HIRA: variants seen among roughly 807,000 people sequenced by gnomAD.
HIRA encodes histone cell cycle regulator.
Under a neutral mutation model 126.6 loss-of-function variants are expected in HIRA, and 13 were observed. The ratio of observed to expected loss-of-function variants is 0.10; its 90% CI spans 0.07 to 0.16. The LOEUF is 0.16. HIRA is among the 10% of genes least tolerant of loss of function. The pLI is 1.00. For missense variants in HIRA, 834 were observed against 1,314.4 expected (o/e 0.63, Z 5.65); for synonymous variants, 511 against 520.0 (o/e 0.98, Z 0.24).
At chr22:19,385,103 C>A (rs2146217688) in intron 12 of HIRA, among the ~76,000 whole-genome samples, 1 of 152,220 alleles carries the variant, frequency 6.6e-6, no homozygotes, top group South Asian at 2.1e-4. Context: ...GTTTATACTC[C>A]CCAGGCAATA....
chr22:19,344,771 G>T (rs2088668143), intron 24 of HIRA, among the ~76,000 whole-genome samples: 1 of 152,084 alleles, frequency 6.6e-6, no homozygotes, highest in Admixed American at 6.6e-5. Context: ...TACATTAAAA[G>T]AATTATACAC....
chr22:19,346,984 G>T lies in HIRA; in HGVS notation c.2937+4374C>A, dbSNP rs183989387. Among the ~76,000 whole-genome samples the T allele has an allele frequency of 1.6e-4, 25 of 152,332 alleles. No individual in the cohort carries two copies. In the South Asian group the frequency reaches 5.0e-3, roughly 30 times the overall value. ...TGGTAGCCTGTTTGTGGCTCCTTCT[G>T]TCTATACCACCACGGCCCAGAGTGC... On this transcript the variant is annotated intron_variant, in intron 24 of 24. Coordinates refer to ENST00000263208, the MANE Select transcript of HIRA (RefSeq NM_003325.4).
At chr22:19,340,085 C>A (rs1489114066) in intron 24 of HIRA, among the ~76,000 whole-genome samples, 1 of 152,104 alleles carries the variant, frequency 6.6e-6, no homozygotes, top group African/African-American at 2.4e-5. Context: ...AATCTACAGA[C>A]CAATATCCCT....
chr22:19,358,935 G>T (rs2088838575), intron 18 of HIRA, among the ~76,000 whole-genome samples: 1 of 152,142 alleles, frequency 6.6e-6, no homozygotes, highest in Admixed American at 6.5e-5. Flanking sequence ...TTCAGGGACA[G>T]TCAGAAATCC....
rs1004215490 is a variant in HIRA, at chr22:19,410,294, G to A, written c.100+422C>T. Among the ~76,000 whole-genome samples, 4 of 152,132 alleles carry A rather than the reference G, an allele frequency of 2.6e-5. No individual in the cohort carries two copies. In the East Asian group the frequency reaches 5.8e-4, roughly 22 times the overall value. ...TTTAACCTAACTGAATTCCTTTGAC[G>A]AGAAAATGGGCCTAATAACTACACG... On this transcript the variant is annotated intron_variant, in intron 2 of 24. Coordinates refer to ENST00000263208, the MANE Select transcript of HIRA (RefSeq NM_003325.4).
At chr22:19,415,039 A>C (rs959173651) in intron 1 of HIRA, among the ~76,000 whole-genome samples, 5 of 152,108 alleles carry the variant, frequency 3.3e-5, no homozygotes, top group African/African-American at 4.8e-5. Context: ...TCTACCTCCT[A>C]AGTTCAAGCG....
chr22:19,394,366 C>A lies in HIRA; in HGVS notation c.798G>T (p.Gly266=). Residue 266 remains glycine (G), a synonymous_variant, in exon 8 of 25, where the codon GGG becomes GGT. Transcript: ENST00000263208. ...CCACGACAGTCACAGCTTTCCGGTG[C>A]CCAACAAAGTCCATGTTGGTCTTCC... ...EGWKTNMDFV[G]HRKAVTVVKF... The A allele has an allele frequency of 6.2e-7, 1 of 1,614,180 alleles. No individual in the cohort carries two copies. The highest frequency in any genetic ancestry group is 2.2e-5 in the East Asian group (1 of 44,880).
rs1378820594 is a variant in HIRA at position 19,408,725 on chromosome 22, CTG to C, written c.101-134_101-133del. ...CAATAATTAACTAGATCTAAGGAGA[CTG>C]AATTTAAATTACTAATTTAAGTTAC... On this transcript the variant is annotated intron_variant, in intron 2 of 24. Coordinates refer to ENST00000263208, the MANE Select transcript of HIRA (RefSeq NM_003325.4). 1.0e-5 allele frequency: 6 copies of C among 575,336 alleles called. No individual in the cohort carries two copies. The East Asian group carries it at 1.4e-4, about 14-fold the overall frequency. The allele number at this position is 575,336 out of a possible 1,614,324, so 35.6% of individuals were successfully genotyped here. A position where few individuals can be genotyped will look rare whatever the true frequency, so the allele number is the denominator to read the frequency against.
At chr22:19,360,826 T>G (rs1392085697) in intron 17 of HIRA, among the ~76,000 whole-genome samples, 1 of 152,252 alleles carries the variant, frequency 6.6e-6, no homozygotes, top group African/African-American at 2.4e-5. Flanking sequence ...TGCCAGACAC[T>G]GAGAAGACAA....
chr22:19,383,564 A>C, intron 13 of HIRA, 56 bp downstream of exon 13: 2 of 1,402,282 alleles, frequency 1.4e-6, no homozygotes, highest in Non-Finnish European at 2.0e-6. Context: ...TTAACCGCTG[A>C]AAGAAGACAG....
At chr22:19,406,625 C>T (rs2089310255) in intron 4 of HIRA, among the ~76,000 whole-genome samples, 2 of 152,330 alleles carry the variant, frequency 1.3e-5, no homozygotes, top group South Asian at 2.1e-4. Context: ...TCTGCCTCTG[C>T]TCTTGAAGCC....
chr22:19,431,152 C>A lies in HIRA; in HGVS notation c.37+288G>T, dbSNP rs548052790. Among the ~76,000 whole-genome samples, 246 of 152,334 alleles carry A rather than the reference C, an allele frequency of 1.6e-3. 1 individual carries two copies. The highest frequency in any genetic ancestry group is 3.0e-3 in the Non-Finnish European group (205 of 68,018). On this transcript the variant is annotated intron_variant, in intron 1 of 24. Transcript: ENST00000263208. ...CACTGGCTGGCACCAAGGCCCGCTCCTGGGAGCCAGGCCGCGGCCCCTCCA... is the reference window on the plus strand; with the variant it reads ...CACTGGCTGGCACCAAGGCCCGCTCATGGGAGCCAGGCCGCGGCCCCTCCA...
chr22:19,362,419 C>T (rs2088872478), intron 15 of HIRA, among the ~76,000 whole-genome samples: 1 of 151,990 alleles, frequency 6.6e-6, no homozygotes, highest in Non-Finnish European at 1.5e-5. Flanking sequence ...ACTCTTTCTA[C>T]TACCCATGAA....
In HIRA at chr22:19,331,211, C is replaced by T; in HGVS notation, c.*229G>A. Reference sequence around the variant, plus strand: ...GGGCAGAGCTCCAGCCCTAGCTCCGCATCGGGGGCTTGGAGGGAGGGATGA... The same window carrying T: ...GGGCAGAGCTCCAGCCCTAGCTCCGTATCGGGGGCTTGGAGGGAGGGATGA... On this transcript the variant is annotated 3_prime_UTR_variant, in exon 25 of 25. Transcript: ENST00000263208. 1 of 1,453,062 alleles carries T rather than the reference C, an allele frequency of 6.9e-7. No homozygotes were observed. 90.0% of individuals were successfully genotyped at this position (1,453,062 alleles called of 1,614,324 possible).
At position 19,431,725 on chromosome 22, in the gene HIRA, C is replaced by T; in HGVS notation, c.-249G>A. 5.9e-6 allele frequency: 2 copies of T among 341,502 alleles called. No individual in the cohort carries two copies. The highest frequency in any genetic ancestry group is 1.0e-5 in the Non-Finnish European group (2 of 195,554). 21.2% of individuals were successfully genotyped at this position (341,502 alleles called of 1,614,324 possible). A position where few individuals can be genotyped will look rare whatever the true frequency, so the allele number is the denominator to read the frequency against. On this transcript the variant is annotated 5_prime_UTR_variant, in exon 1 of 25. Coordinates refer to ENST00000263208, the MANE Select transcript of HIRA (RefSeq NM_003325.4). ...TGCGCCGCTCCTCCTCAGGCGGCTC[C>T]CGGGCAACGCCGGAAGTCACGGCGC...
At chr22:19,344,371 T>C (rs2088664272) in intron 24 of HIRA, among the ~76,000 whole-genome samples, 1 of 152,008 alleles carries the variant, frequency 6.6e-6, no homozygotes, top group Admixed American at 6.6e-5. Flanking sequence ...AAAAAGATTA[T>C]AAATAAGAGA....
At position 19,359,397 on chromosome 22, in the gene HIRA, G is replaced by A. The variant is rs567129767; in HGVS notation, c.2173C>T (p.Arg725Trp). Residue 725 changes from arginine (R) to tryptophan (W), a missense_variant, in exon 18 of 25, where the codon CGG becomes TGG. Arg to Trp is a moderately radical substitution (Grantham distance 101). This residue lies in a region of HIRA where 468 missense variants were observed against 574.2 expected (regional missense o/e 0.82). Coordinates refer to ENST00000263208, the MANE Select transcript of HIRA (RefSeq NM_003325.4). ...ACCGTCTCCCACTCCTTCCCTTCCC[G>A]GTTGCACTTCAGGCGGCTCAGCTTC... ...GVKLSRLKCN[R>W]EGKEWETVLT... 3.0e-5 allele frequency: 49 copies of A among 1,610,250 alleles called. No homozygotes were observed. The South Asian group carries it at 3.1e-4, about 10-fold the overall frequency.
chr22:19,404,636 C>T (rs1431884335), intron 5 of HIRA, among the ~76,000 whole-genome samples: 1 of 152,088 alleles, frequency 6.6e-6, no homozygotes, highest in African/African-American at 2.4e-5. Context: ...GATGCCACCT[C>T]CCACACCTCT....
At chr22:19,342,392 G>C (rs2088639955) in intron 24 of HIRA, among the ~76,000 whole-genome samples, 1 of 152,094 alleles carries the variant, frequency 6.6e-6, no homozygotes, top group Non-Finnish European at 1.5e-5. Flanking sequence ...AAACAGTATG[G>C]GGACTCGTTC....
Sources: allele counts gnomAD v4.1 joint callset (sites outside exome capture counted in the v4.1 genomes callset), GRCh38; gene constraint gnomAD v4.1.1; regional missense constraint gnomAD v4.1.1; transcripts MANE v1.5; gene names NCBI Gene and HGNC (gene_info 2026-07-23, HGNC 2026-07-21).